Variants in TGM6 observed in about 807,000 individuals in gnomAD.
TGM6 encodes transglutaminase 6.
TGM6 carries 74 observed loss-of-function variants against 77.5 expected under a neutral mutation model. The ratio of observed to expected loss-of-function variants is 0.96; its 90% confidence interval spans 0.79 to 1.16. The LOEUF is 1.16. Among genes scored for constraint, TGM6 ranks in the 50% most tolerant of loss-of-function variants. The probability of loss-of-function intolerance (pLI) is 0.00; values close to 1 mark genes in which losing one functional copy is unlikely to be tolerated. For synonymous variants in TGM6, 383 were observed against 378.9 expected (o/e 1.01, Z -0.12); for missense variants, 968 against 940.2 (o/e 1.03, Z -0.39).
intron 9 of TGM6, among the ~76,000 whole-genome samples, chr20:2,405,833 T>G (rs2084746888): frequency 6.6e-6 from 1 of 152,182 alleles, no homozygotes; most frequent in South Asian, 2.1e-4. Flanking sequence ...ACCTGACACT[T>G]GTGGGTAGAA....
At chr20:2,386,333 C>T (rs1311330369) in intron 1 of TGM6, among the ~76,000 whole-genome samples, 1 of 152,032 alleles carries the variant, frequency 6.6e-6, no homozygotes, top group Non-Finnish European at 1.5e-5. Context: ...GGACAGATTC[C>T]ACAGGGATCA....
chr20:2,417,128 C>T lies in TGM6; in HGVS notation c.1337-104C>T, dbSNP rs1245357675. The stretch of plus-strand genomic sequence containing the variant: ...GAATCAAACACAAGGCATGTGGCGC[C>T]GGTGTGCATATGGCTCTTGAACTGC... On this transcript the variant is annotated intron_variant, in intron 9 of 12. Transcript: ENST00000202625. The T allele has an allele frequency of 5.2e-6, 5 of 962,592 alleles. No individual in the cohort carries two copies. In the East Asian group the frequency reaches 7.9e-5, roughly 15 times the overall value. The allele number at this position is 962,592 out of a possible 1,614,324, so 59.6% of individuals were successfully genotyped here. A position where few individuals can be genotyped will look rare whatever the true frequency, so the allele number is the denominator to read the frequency against.
intron 10 of TGM6, among the ~76,000 whole-genome samples, chr20:2,427,683 A>G (rs183882875): frequency 5.5e-4 from 84 of 152,304 alleles, no homozygotes; most frequent in Middle Eastern, 6.8e-3. Context: ...ATTGAATATT[A>G]TAGACTTCTC....
At chr20:2,414,181 G>A (rs1343142278) in intron 9 of TGM6, among the ~76,000 whole-genome samples, 1 of 152,010 alleles carries the variant, frequency 6.6e-6, no homozygotes, top group African/African-American at 2.4e-5. Context: ...AGACCAGCCT[G>A]GGCAACATAG....
chr20:2,406,633 C>T (rs6114062), intron 9 of TGM6, among the ~76,000 whole-genome samples: 40,336 of 150,486 alleles, frequency 0.27, 7,071 homozygotes, highest in African/African-American at 0.5. Flanking sequence ...GTCAAGAGTT[C>T]GAGACCAGCC....
At position 2,418,577 on chromosome 20, in the gene TGM6, C is replaced by A. The variant is rs557679932; in HGVS notation, c.1678+1004C>A. Among the ~76,000 whole-genome samples the A allele has an allele frequency of 2.6e-5, 4 of 152,254 alleles. No individual in the cohort carries two copies. The South Asian group carries it at 8.3e-4, about 32-fold the overall frequency. ...AGGGTTCAAAGCCAGGAACGTTGAC[C>A]ACAGTGCACATTTACTCAGCTGATG... On this transcript the variant is annotated intron_variant, in intron 10 of 12. Transcript: ENST00000202625.
chr20:2,414,542 G>A (rs749019671), intron 9 of TGM6, among the ~76,000 whole-genome samples: 13 of 151,956 alleles, frequency 8.6e-5, no homozygotes, highest in African/African-American at 1.2e-4. Flanking sequence ...ACCATGACCC[G>A]GCAACTGCAC....
At chr20:2,412,414 T>C (rs1251023858) in intron 9 of TGM6, among the ~76,000 whole-genome samples, 2 of 152,160 alleles carry the variant, frequency 1.3e-5, no homozygotes, top group Non-Finnish European at 2.9e-5. Flanking sequence ...ATGGTAGTGA[T>C]GGTTACACAA....
At chr20:2,402,348 C>T (rs953703861) in intron 7 of TGM6, among the ~76,000 whole-genome samples, 2 of 152,160 alleles carry the variant, frequency 1.3e-5, no homozygotes, top group Non-Finnish European at 1.5e-5. Context: ...CCCAGGGGAG[C>T]GTGCCAGGAG....
intron 9 of TGM6, 149 bp downstream of exon 9, chr20:2,403,972 C>A: frequency 1.5e-6 from 2 of 1,326,668 alleles, no homozygotes; most frequent in Non-Finnish European, 2.1e-6. Flanking sequence ...TGCTCTGAGC[C>A]AAGTGCCTTT....
chr20:2,425,970 T>A (rs1034434448), intron 10 of TGM6, among the ~76,000 whole-genome samples: 1 of 152,228 alleles, frequency 6.6e-6, no homozygotes, highest in Non-Finnish European at 1.5e-5. Flanking sequence ...CTAACTATCT[T>A]GTACCCATTA....
intron 10 of TGM6, among the ~76,000 whole-genome samples, chr20:2,419,793 G>C (rs6137978): frequency 0.22 from 32,720 of 151,928 alleles, 3,961 homozygotes; most frequent in African/African-American, 0.32. Context: ...GGTGACCTAT[G>C]TTTTCTTTTA....
In TGM6 at chr20:2,384,973, C is replaced by T. The variant is rs1237844045; in HGVS notation, c.7+3998C>T. 2.0e-5 allele frequency among the ~76,000 whole-genome samples: 3 copies of T among 152,176 alleles called. No individual in the cohort carries two copies. The South Asian group carries it at 6.2e-4, about 32-fold the overall frequency. ...GAAAACAGGCTGCCAGTTCTGTCCT[C>T]AGGGCCTTGGGTTCACTGTCAACTG... On this transcript the variant is annotated intron_variant, in intron 1 of 12. Transcript: ENST00000202625.
intron 10 of TGM6, among the ~76,000 whole-genome samples, chr20:2,429,796 G>C (rs1036200824): frequency 3.9e-5 from 6 of 152,112 alleles, no homozygotes; most frequent in Non-Finnish European, 8.8e-5. Context: ...GAGGTTTATG[G>C]TGATCCATGC....
chr20:2,383,338 G>A (rs1347404011), intron 1 of TGM6, among the ~76,000 whole-genome samples: 1 of 152,208 alleles, frequency 6.6e-6, no homozygotes, highest in Non-Finnish European at 1.5e-5. Flanking sequence ...CCAAGGGCAG[G>A]AGGAGGAAGA....
intron 3 of TGM6, among the ~76,000 whole-genome samples, chr20:2,395,810 G>A (rs1488641340): frequency 2.0e-5 from 3 of 152,210 alleles, no homozygotes; most frequent in African/African-American, 7.2e-5. Context: ...AACACCCATA[G>A]GGCTAATACT....
chr20:2,406,301 G>A (rs2084749984), intron 9 of TGM6, among the ~76,000 whole-genome samples: 1 of 151,936 alleles, frequency 6.6e-6, no homozygotes, highest in Admixed American at 6.6e-5. Context: ...GTCTAGCCTG[G>A]GCAACATGGC....
In TGM6 at chr20:2,417,566, G is replaced by C; in HGVS notation, c.1671G>C (p.Pro557=). 6.2e-7 allele frequency: 1 copy of C among 1,600,068 alleles called. No individual in the cohort carries two copies. Among genetic ancestry groups the C allele is most frequent in the Non-Finnish European group, 8.5e-7 (1 of 1,179,214 alleles). The change falls in exon 10 of 13, where the codon CCG becomes CCC. Residue 557 remains proline, a synonymous_variant. Coordinates refer to ENST00000202625, the MANE Select transcript of TGM6 (RefSeq NM_198994.3). ...LHESHAVRLG[P]QEEKRIPITI... ...AATCCCACGCCGTGAGGCTGGGGCC[G>C]CAAGAAGGTAAGTGTACGCTGGCTT...
intron 1 of TGM6, among the ~76,000 whole-genome samples, chr20:2,381,425 CA>C (rs1470758252): frequency 6.6e-6 from 1 of 152,196 alleles, no homozygotes; most frequent in African/African-American, 2.4e-5. Context: ...CACTTGAGGG[CA>C]AGAGCAGCTC....
Sources: allele counts gnomAD v4.1 joint callset (sites outside exome capture counted in the v4.1 genomes callset), GRCh38; gene constraint gnomAD v4.1.1; transcripts MANE v1.5; gene names NCBI Gene and HGNC (gene_info 2026-07-23, HGNC 2026-07-21).